The following SBF2 variants were observed in gnomAD, a reference collection of about 807,000 sequenced individuals.
SBF2 encodes the protein myotubularin-related protein 13.
A neutral mutation model predicts 225.2 loss-of-function variants in SBF2; 112 were observed. The ratio of observed to expected loss-of-function variants is 0.50; its 90% CI spans 0.43 to 0.58. The LOEUF (loss-of-function observed/expected upper bound fraction) is 0.58, where lower values mean the gene tolerates loss of function less well. Ranked by LOEUF, SBF2 falls within the 20% of genes least tolerant of loss-of-function variation. The pLI, the probability that SBF2 is intolerant of heterozygous loss-of-function variation, is 0.00. For synonymous variants in SBF2, 763 were observed against 773.3 expected (o/e 0.99, Z 0.22); for missense variants, 1,996 against 2,206.2 (o/e 0.90, Z 1.91).
rs546290592 is a variant in SBF2 at position 9,994,196 on chromosome 11, C to T, written c.976-198G>A. 5.3e-5 allele frequency among the ~76,000 whole-genome samples: 8 copies of T among 152,144 alleles called. No individual in the cohort carries two copies. In the South Asian group the frequency reaches 1.0e-3, roughly 20 times the overall value. ...AATATTCAGTTGAAACATGTTCGGC[C>T]GGGCGCGGTGGCTCACGCCTGTAAT... is the stretch of plus-strand genomic sequence containing the variant. On this transcript the variant is annotated intron_variant, in intron 9 of 39. Transcript: ENST00000256190.
chr11:10,028,586 A>C, intron 5 of SBF2, 29 bp from the exon 6 acceptor site: 1 of 1,348,420 alleles, frequency 7.4e-7, no homozygotes, highest in Non-Finnish European at 1.1e-6. Context: ...ACAAACACAC[A>C]CACACACGAT....
At chr11:10,174,565 G>C (rs1450478512) in intron 2 of SBF2, among the ~76,000 whole-genome samples, 5 of 152,180 alleles carry the variant, frequency 3.3e-5, no homozygotes, top group Non-Finnish European at 7.3e-5. Flanking sequence ...GGGGAGAATG[G>C]AACCAAGTTG....
chr11:9,921,064 CTT>C (rs34959264), intron 16 of SBF2, among the ~76,000 whole-genome samples: 4,579 of 85,948 alleles, frequency 0.053, 70 homozygotes, highest in Middle Eastern at 0.093. Context: ...CTGAAAACTT[CTT>C]TTTTTTTTTT....
chr11:10,127,898 C>T (rs183537139), intron 2 of SBF2, among the ~76,000 whole-genome samples: 3 of 152,232 alleles, frequency 2.0e-5, no homozygotes, highest in Admixed American at 6.5e-5. Flanking sequence ...AAGCAAGTAA[C>T]GAGGTTAGGC....
In SBF2 at chr11:9,798,798, A is replaced by G. The variant is rs1026663673; in HGVS notation, c.4444-2841T>C. Among the ~76,000 whole-genome samples the G allele has an allele frequency of 5.3e-5, 8 of 151,930 alleles. No homozygotes were observed. In the East Asian group the frequency reaches 1.4e-3, roughly 26 times the overall value. On this transcript the variant is annotated intron_variant, in intron 32 of 39. Transcript: ENST00000256190. ...TGTCTCTACTAAAAATACAAAAACA[A>G]AATTTTAGCTGGGCGTGGTGGCGGG... is the stretch of plus-strand genomic sequence containing the variant.
chr11:10,098,984 C>G (rs533582180), intron 2 of SBF2, among the ~76,000 whole-genome samples: 1 of 151,670 alleles, frequency 6.6e-6, no homozygotes, highest in African/African-American at 2.4e-5. Flanking sequence ...ACAAAATGAA[C>G]CAAACCAAAA....
chr11:10,229,649 C>G (rs11607477), intron 1 of SBF2, among the ~76,000 whole-genome samples: 30,228 of 152,138 alleles, frequency 0.2, 3,959 homozygotes, highest in Non-Finnish European at 0.3. Context: ...ATCCTGAGTT[C>G]TAGTTTGATT....
chr11:9,920,760 G>A (rs532942984), intron 16 of SBF2, among the ~76,000 whole-genome samples: 17 of 152,224 alleles, frequency 1.1e-4, no homozygotes, highest in African/African-American at 4.1e-4. Context: ...ATTGCAATGT[G>A]GACACCATGC....
chr11:10,154,700 G>GT (rs1955383367), intron 2 of SBF2, among the ~76,000 whole-genome samples: 1 of 152,218 alleles, frequency 6.6e-6, no homozygotes, highest in South Asian at 2.1e-4. Flanking sequence ...AATGCTGTAT[G>GT]TTTTTTATGT....
intron 33 of SBF2, among the ~76,000 whole-genome samples, chr11:9,793,680 C>T (rs1009877268): frequency 7.9e-5 from 12 of 152,114 alleles, no homozygotes; most frequent in African/African-American, 7.2e-5. Flanking sequence ...CGTGAACCAC[C>T]GTGCCTGGCC....
intron 28 of SBF2, among the ~76,000 whole-genome samples, chr11:9,827,240 A>G (rs1855123093): frequency 6.6e-6 from 1 of 152,024 alleles, no homozygotes; most frequent in African/African-American, 2.4e-5. Flanking sequence ...CACAGTTGAG[A>G]TATCTGGGGC....
At chr11:9,958,067 C>T (rs1184208437) in intron 16 of SBF2, 1 of 152,094 alleles carries the variant, frequency 6.6e-6, no homozygotes, top group Non-Finnish European at 1.5e-5. Context: ...CAGAATAAGT[C>T]AGGTCTTCCC....
chr11:9,882,565 T>C (rs1412361434), intron 17 of SBF2, among the ~76,000 whole-genome samples: 2 of 152,096 alleles, frequency 1.3e-5, no homozygotes, highest in Admixed American at 6.6e-5. Flanking sequence ...TCCCAGCACT[T>C]TGGGAGGCCA....
intron 16 of SBF2, among the ~76,000 whole-genome samples, chr11:9,950,247 G>A (rs191370454): frequency 2.0e-5 from 3 of 152,240 alleles, no homozygotes; most frequent in African/African-American, 7.2e-5. Flanking sequence ...ATCCTTTACA[G>A]CTTTCCTGAC....
chr11:10,068,554 C>G (rs1385048590), intron 2 of SBF2, among the ~76,000 whole-genome samples: 5 of 152,162 alleles, frequency 3.3e-5, no homozygotes, highest in Non-Finnish European at 4.4e-5. Context: ...GGGCTCTCCA[C>G]AATCCTTTAA....
chr11:9,888,709 A>T lies in SBF2; in HGVS notation c.1929+7234T>A, dbSNP rs537684599. 5.3e-5 allele frequency among the ~76,000 whole-genome samples: 8 copies of T among 151,390 alleles called. No individual in the cohort carries two copies. The South Asian group carries it at 6.3e-4, about 12-fold the overall frequency. On this transcript the variant is annotated intron_variant, in intron 17 of 39. Coordinates refer to ENST00000256190, the MANE Select transcript of SBF2 (RefSeq NM_030962.4). ...CTCAGTATCTCTAAGCAAAAAGATT[A>T]AAAAAAAAGTTTCTAGAGGTATGCT...
At chr11:10,146,373 C>T (rs2135154239) in intron 2 of SBF2, among the ~76,000 whole-genome samples, 1 of 151,968 alleles carries the variant, frequency 6.6e-6, no homozygotes, top group Non-Finnish European at 1.5e-5. Context: ...CAAAATCAGA[C>T]ACATAGACCA....
At chr11:10,188,953 A>G (rs1281229905) in intron 2 of SBF2, among the ~76,000 whole-genome samples, 2 of 152,242 alleles carry the variant, frequency 1.3e-5, no homozygotes, top group African/African-American at 4.8e-5. Context: ...TTAAGTTTTC[A>G]GCCTCAACTC....
intron 6 of SBF2, among the ~76,000 whole-genome samples, chr11:10,025,326 C>T (rs936687561): frequency 6.6e-6 from 1 of 152,086 alleles, no homozygotes; most frequent in African/African-American, 2.4e-5. Flanking sequence ...TTCTGATTTA[C>T]CCACTCCCAG....
Sources: gnomAD v4.1 joint callset for allele counts (sites outside exome capture counted in the v4.1 genomes callset) on GRCh38, gnomAD v4.1.1 for gene constraint, MANE v1.5 for transcripts, NCBI Gene and HGNC (gene_info 2026-07-23, HGNC 2026-07-21) for gene names.